INTS13: variants seen among roughly 807,000 people sequenced by gnomAD.
INTS13 encodes asunder, spermatogenesis regulator homolog (Drosphila).
Under a neutral mutation model 90.2 loss-of-function variants are expected in INTS13, and 35 were observed. The ratio of observed to expected loss-of-function variants is 0.39; its 90% CI spans 0.30 to 0.51. INTS13 has a LOEUF of 0.51. Among genes scored for constraint, INTS13 ranks in the 20% least tolerant of loss-of-function variants. INTS13 has a pLI of 0.80. For synonymous variants in INTS13, 309 were observed against 277.1 expected (o/e 1.11, Z -1.14); for missense variants, 601 against 851.2 (o/e 0.71, Z 3.66).
At chr12:26,931,400 C>T (rs1225584874) in intron 3 of INTS13, among the ~76,000 whole-genome samples, 1 of 151,712 alleles carries the variant, frequency 6.6e-6, no homozygotes, top group Non-Finnish European at 1.5e-5. Flanking sequence ...GCCAAGATTG[C>T]GCCACTGCAC....
intron 11 of INTS13, 85 bp downstream of exon 11, chr12:26,915,917 C>A (rs1317744720): frequency 1.0e-6 from 1 of 983,064 alleles, no homozygotes. Flanking sequence ...TTTCCACAGA[C>A]CTTAGCATTT....
At chr12:26,924,567 T>C in intron 6 of INTS13, 84 bp from the exon 7 acceptor site, 3 of 1,350,820 alleles carry the variant, frequency 2.2e-6, no homozygotes, top group Admixed American at 2.6e-5. Context: ...ATAAATCCAT[T>C]AAAATTAAGT....
chr12:26,914,919 A>G (rs1951885975), intron 11 of INTS13, among the ~76,000 whole-genome samples: 1 of 152,094 alleles, frequency 6.6e-6, no homozygotes, highest in Non-Finnish European at 1.5e-5. Context: ...TAGAAGACCC[A>G]TTTGCTTATT....
intron 1 of INTS13, among the ~76,000 whole-genome samples, chr12:26,937,488 T>C (rs1369467496): frequency 6.6e-6 from 1 of 152,210 alleles, no homozygotes; most frequent in Non-Finnish European, 1.5e-5. Context: ...TAGAAGGAAA[T>C]TTAAAACTTT....
At chr12:26,919,636 A>T (rs762106475) in intron 8 of INTS13, among the ~76,000 whole-genome samples, 9 of 151,184 alleles carry the variant, frequency 6.0e-5, no homozygotes, top group East Asian at 2.0e-4. Flanking sequence ...AAATCAAGAA[A>T]ATGTGATGAT....
At chr12:26,913,774 ACTTC>A (rs902935921) in intron 13 of INTS13, 87 bp from the exon 14 acceptor site, 3 of 1,247,680 alleles carry the variant, frequency 2.4e-6, no homozygotes, top group Admixed American at 2.2e-5. Flanking sequence ...TGAAATGTGG[ACTTC>A]CTTCCTCTTA....
rs1951851429 is a variant in INTS13 at position 26,913,579 on chromosome 12, C to T, written c.1683G>A (p.Arg561=). The change falls in exon 14 of 17, where the codon AGG becomes AGA. Residue 561 remains arginine, a synonymous_variant. Transcript: ENST00000261191. ...QRVLECLMAC[R]SKPPEEEERK... is the part of the protein sequence containing the mutation. ...GTTCTTCCTCTTCTGGGGGTTTGCTCCTGCATGCCATCAGACATTCCAAGA... is the reference window on the plus strand; with the variant it reads ...GTTCTTCCTCTTCTGGGGGTTTGCTTCTGCATGCCATCAGACATTCCAAGA... 4 of 1,614,066 alleles carry T rather than the reference C, an allele frequency of 2.5e-6. No homozygotes were observed. The highest frequency in any genetic ancestry group is 3.4e-6 in the Non-Finnish European group (4 of 1,179,994).
In INTS13 at chr12:26,905,470, G is replaced by A. The variant is rs2137376418; in HGVS notation, c.*27C>T. On this transcript the variant is annotated 3_prime_UTR_variant, in exon 17 of 17. Transcript: ENST00000261191. ...TCCGCACAAAATATTTTTGCAATAT[G>A]CTAAATTTAGTTCTTCAAGTCACTC... The A allele has an allele frequency of 6.2e-7, 1 of 1,604,614 alleles. No individual in the cohort carries two copies.
intron 5 of INTS13, among the ~76,000 whole-genome samples, chr12:26,926,902 C>T (rs974985096): frequency 6.6e-6 from 1 of 152,232 alleles, no homozygotes; most frequent in African/African-American, 2.4e-5. Flanking sequence ...TTCAGCCCCA[C>T]TCTGCTATCC....
intron 5 of INTS13, among the ~76,000 whole-genome samples, chr12:26,926,078 T>C (rs1937857356): frequency 6.6e-6 from 1 of 151,458 alleles, no homozygotes; most frequent in African/African-American, 2.5e-5. Context: ...ATAATAATTG[T>C]GAGTGTCTGA....
chr12:26,922,130 A>G (rs1952137343), intron 8 of INTS13, among the ~76,000 whole-genome samples: 1 of 152,214 alleles, frequency 6.6e-6, no homozygotes, highest in African/African-American at 2.4e-5. Context: ...CAAGTCCATT[A>G]GCAGCCTTCT....
intron 3 of INTS13, among the ~76,000 whole-genome samples, chr12:26,932,658 C>A (rs896557103): frequency 6.6e-6 from 1 of 152,184 alleles, no homozygotes; most frequent in African/African-American, 2.4e-5. Context: ...CTATGTGAGG[C>A]TTACTGTGCA....
At chr12:26,917,887 G>A (rs1007500593) in intron 8 of INTS13, among the ~76,000 whole-genome samples, 154 bp from the exon 9 acceptor site, 2 of 152,170 alleles carry the variant, frequency 1.3e-5, no homozygotes, top group Admixed American at 6.5e-5. Flanking sequence ...ACTTTGGGAG[G>A]CTGAGGCAGG....
At chr12:26,909,596 C>G (rs944529267) in intron 15 of INTS13, among the ~76,000 whole-genome samples, 3 of 151,232 alleles carry the variant, frequency 2.0e-5, no homozygotes, top group African/African-American at 7.3e-5. Flanking sequence ...ATTTACCAAG[C>G]AATGCTGAAA....
intron 14 of INTS13, 43 bp from the exon 15 acceptor site, chr12:26,911,360 A>T (rs767952678): frequency 2.6e-6 from 4 of 1,547,516 alleles, no homozygotes; most frequent in African/African-American, 1.4e-5. Flanking sequence ...TCAAATTTTT[A>T]GAAGTCTAAT....
chr12:26,905,648 C>T (rs1951587588), intron 16 of INTS13, 112 bp from the exon 17 acceptor site: 2 of 1,067,114 alleles, frequency 1.9e-6, no homozygotes, highest in Admixed American at 2.5e-5. Flanking sequence ...AACAGAACAT[C>T]AGCATTTTAG....
rs569227582 is a variant in INTS13, at chr12:26,920,766, A to C, written c.889+1850T>G. On this transcript the variant is annotated intron_variant, in intron 8 of 16. Coordinates refer to ENST00000261191, the MANE Select transcript of INTS13 (RefSeq NM_018164.3). ...ACAGGTTCGTAGCAATTTCCATGTA[A>C]TATATTTTCAAAAACAAGTTCTCTA... is the stretch of plus-strand genomic sequence containing the variant. Among the ~76,000 whole-genome samples the C allele has an allele frequency of 2.0e-5, 3 of 152,262 alleles. No individual in the cohort carries two copies. In the East Asian group the frequency reaches 5.8e-4, roughly 29 times the overall value.
chr12:26,931,478 A>AC (rs1938188947), intron 3 of INTS13, among the ~76,000 whole-genome samples: 1 of 144,744 alleles, frequency 6.9e-6, no homozygotes, highest in Non-Finnish European at 1.5e-5. Flanking sequence ...CAAACAAAAA[A>AC]TAATAAAAAC....
intron 7 of INTS13, among the ~76,000 whole-genome samples, chr12:26,923,253 A>AT (rs1937683822): frequency 6.6e-6 from 1 of 152,158 alleles, no homozygotes; most frequent in African/African-American, 2.4e-5. Context: ...CACAAATATG[A>AT]TCAAAATTAA....
Sources: gnomAD v4.1 joint callset for allele counts (sites outside exome capture counted in the v4.1 genomes callset) on GRCh38, gnomAD v4.1.1 for gene constraint, MANE v1.5 for transcripts, NCBI Gene and HGNC (gene_info 2026-07-23, HGNC 2026-07-21) for gene names.